CIMIP5: variants seen among roughly 807,000 people sequenced by gnomAD.
CIMIP5 encodes the protein ciliary microtubule inner protein 5.
At chr2:11,153,857 G>A in the CIMIP5 span, among the ~76,000 whole-genome samples, 1 of 151,208 alleles carries the variant, frequency 6.6e-6, no homozygotes, top group Non-Finnish European at 1.5e-5. Context: ...CCCGGAGGTG[G>A]AGGTCGCAGT....
chr2:11,135,724 T>C, the CIMIP5 span, among the ~76,000 whole-genome samples: 546 of 147,918 alleles, frequency 3.7e-3, 3 homozygotes, highest in African/African-American at 0.013. Flanking sequence ...TGCAGTGGGG[T>C]GATCTCAGCT....
the CIMIP5 span, chr2:11,133,669 A>G: frequency 2.0e-6 from 3 of 1,518,230 alleles, no homozygotes; most frequent in Non-Finnish European, 2.6e-6. Context: ...AGAAAGGGAG[A>G]TGGGAGGGCA....
the CIMIP5 span, among the ~76,000 whole-genome samples, chr2:11,152,878 C>T: frequency 8.5e-4 from 129 of 152,276 alleles, no homozygotes; most frequent in African/African-American, 2.8e-3. Context: ...AACCTAGGAC[C>T]GCCCCCATCC....
the CIMIP5 span, chr2:11,133,250 A>C: frequency 6.9e-7 from 1 of 1,455,378 alleles, no homozygotes; most frequent in Non-Finnish European, 9.1e-7. Flanking sequence ...AGAGTGTTCC[A>C]GGAGGAGGTT....
At chr2:11,147,619 G>T in the CIMIP5 span, among the ~76,000 whole-genome samples, 1 of 152,242 alleles carries the variant, frequency 6.6e-6, no homozygotes, top group East Asian at 1.9e-4. Flanking sequence ...AAGCCTCCTG[G>T]GGCATGTTTT....
the CIMIP5 span, chr2:11,143,946 G>T: frequency 6.3e-7 from 1 of 1,598,860 alleles, no homozygotes; most frequent in Non-Finnish European, 8.5e-7. Flanking sequence ...CTGAGAAGTT[G>T]CCAGACCATG....
At chr2:11,137,885 A>T in the CIMIP5 span, among the ~76,000 whole-genome samples, 2 of 152,200 alleles carry the variant, frequency 1.3e-5, no homozygotes, top group African/African-American at 4.8e-5. Context: ...TTGCTCTGTC[A>T]CCCAGGCTGG....
chr2:11,148,975 C>T, the CIMIP5 span, among the ~76,000 whole-genome samples: 1 of 151,886 alleles, frequency 6.6e-6, no homozygotes, highest in Non-Finnish European at 1.5e-5. Flanking sequence ...CGCAGGTGAT[C>T]CGCCCGCCTC....
chr2:11,147,497 G>A, the CIMIP5 span, among the ~76,000 whole-genome samples: 2 of 152,276 alleles, frequency 1.3e-5, no homozygotes, highest in African/African-American at 4.8e-5. Context: ...TTGCTCACAG[G>A]TCTGCATGTA....
chr2:11,133,581 C>T, the CIMIP5 span: 1 of 1,601,156 alleles, frequency 6.2e-7, no homozygotes, highest in South Asian at 1.1e-5. Flanking sequence ...GCGGCGGGGC[C>T]AGCAGCGCTG....
chr2:11,143,887 C>G, the CIMIP5 span: 13 of 1,502,448 alleles, frequency 8.7e-6, no homozygotes, highest in East Asian at 3.1e-4. Context: ...TTTTTCCACG[C>G]TCTGTGTGAC....
At chr2:11,149,619 A>G in the CIMIP5 span, among the ~76,000 whole-genome samples, 328 of 152,266 alleles carry the variant, frequency 2.2e-3, 1 homozygote, top group African/African-American at 7.6e-3. Flanking sequence ...AGATGGGAGA[A>G]TCACCTGAGC....
the CIMIP5 span, among the ~76,000 whole-genome samples, chr2:11,149,550 A>C: frequency 1.3e-5 from 2 of 152,064 alleles, no homozygotes; most frequent in African/African-American, 4.8e-5. Context: ...TGCTAAAAAT[A>C]CAAAAAATTA....
the CIMIP5 span, chr2:11,133,571 G>T: frequency 6.2e-7 from 1 of 1,603,042 alleles, no homozygotes; most frequent in Non-Finnish European, 8.5e-7. Flanking sequence ...TGGAGGCCGA[G>T]CGGCGGGGCC....
chr2:11,137,660 G>A, the CIMIP5 span, among the ~76,000 whole-genome samples: 1 of 152,162 alleles, frequency 6.6e-6, no homozygotes, highest in East Asian at 1.9e-4. Flanking sequence ...CACAGATATT[G>A]GAGTAGGTGC....
chr2:11,144,238 G>A, the CIMIP5 span: 1 of 728,304 alleles, frequency 1.4e-6, no homozygotes, highest in South Asian at 3.1e-5. Context: ...TAAGCTGCAG[G>A]ACACTCTTCC....
chr2:11,137,018 C>G, the CIMIP5 span, among the ~76,000 whole-genome samples: 1 of 152,170 alleles, frequency 6.6e-6, no homozygotes, highest in Non-Finnish European at 1.5e-5. Context: ...CAGTGCTGCC[C>G]AACGGAAATA....
chr2:11,144,191 G>C, the CIMIP5 span: 1 of 1,281,064 alleles, frequency 7.8e-7, no homozygotes, highest in East Asian at 2.6e-5. Context: ...GCACCAGTCA[G>C]CTCCCCACAC....
the CIMIP5 span, among the ~76,000 whole-genome samples, chr2:11,137,254 T>C: frequency 1.3e-5 from 2 of 152,146 alleles, no homozygotes; most frequent in African/African-American, 4.8e-5. Context: ...GCACCTGTAA[T>C]CCCAGCTACT....
Sources: allele counts gnomAD v4.1 joint callset (sites outside exome capture counted in the v4.1 genomes callset), GRCh38; gene constraint gnomAD v4.1.1; transcripts MANE v1.5; gene names NCBI Gene and HGNC (gene_info 2026-07-23, HGNC 2026-07-21).